The following ADGRB3 variants were observed in gnomAD, a reference collection of about 807,000 sequenced individuals.
The protein encoded by ADGRB3 is adhesion G protein-coupled receptor B3, also known as brain-specific angiogenesis inhibitor 3.
ADGRB3 carries 37 observed loss-of-function variants against 193.4 expected under a neutral mutation model. That is an observed-to-expected ratio of 0.19 (90% CI 0.15 to 0.25). The LOEUF is 0.25. Ranked by LOEUF, ADGRB3 falls within the 10% of genes least tolerant of loss-of-function variation. ADGRB3 has a pLI of 1.00. For synonymous variants in ADGRB3, 690 were observed against 644.2 expected (o/e 1.07, Z -1.08); for missense variants, 1,637 against 1,852.9 (o/e 0.88, Z 2.14).
chr6:68,809,209 G>T (rs1410308268), intron 3 of ADGRB3, among the ~76,000 whole-genome samples: 2 of 152,136 alleles, frequency 1.3e-5, no homozygotes, highest in African/African-American at 4.8e-5. Flanking sequence ...TACTCACTCT[G>T]TTCTGTTCAC....
At chr6:69,202,458 A>AGAGAGAGAGAGACG (rs1029071301) in intron 17 of ADGRB3, among the ~76,000 whole-genome samples, 6 of 151,712 alleles carry the variant, frequency 4.0e-5, no homozygotes, top group African/African-American at 1.5e-4. Flanking sequence ...TCCACTTGAA[A>AGAGAGAGAGAGACG]GAGAGAGAGA....
chr6:68,683,324 C>T (rs1047355323), intron 3 of ADGRB3, among the ~76,000 whole-genome samples: 3 of 151,750 alleles, frequency 2.0e-5, no homozygotes, highest in African/African-American at 7.3e-5. Context: ...AAACTAAGCA[C>T]CCAAACATCT....
chr6:69,084,200 C>G (rs1447023411), intron 17 of ADGRB3, among the ~76,000 whole-genome samples: 1 of 151,996 alleles, frequency 6.6e-6, no homozygotes, highest in Non-Finnish European at 1.5e-5. Context: ...GATTGTTATC[C>G]CAACTATCCA....
chr6:69,224,279 G>T (rs946403994), intron 17 of ADGRB3, among the ~76,000 whole-genome samples: 1 of 151,960 alleles, frequency 6.6e-6, no homozygotes, highest in Non-Finnish European at 1.5e-5. Context: ...ACAATGGTCC[G>T]GTCAAATCTC....
chr6:68,662,002 A>G (rs1444634518), intron 3 of ADGRB3, among the ~76,000 whole-genome samples: 2 of 151,538 alleles, frequency 1.3e-5, no homozygotes, highest in African/African-American at 4.8e-5. Flanking sequence ...TACCAGAGGG[A>G]AATAAAAGGC....
At chr6:69,254,549 AT>A (rs1474638882) in intron 20 of ADGRB3, among the ~76,000 whole-genome samples, 1 of 151,794 alleles carries the variant, frequency 6.6e-6, no homozygotes, top group Non-Finnish European at 1.5e-5. Context: ...TTTTTCTTTT[AT>A]TTTTTATACT....
intron 11 of ADGRB3, among the ~76,000 whole-genome samples, chr6:69,001,999 G>T (rs1171172990): frequency 6.6e-6 from 1 of 152,006 alleles, no homozygotes; most frequent in Non-Finnish European, 1.5e-5. Context: ...CTTGAAACAG[G>T]TCATTACTCA....
intron 3 of ADGRB3, among the ~76,000 whole-genome samples, chr6:68,891,491 G>A (rs1434062266): frequency 6.6e-6 from 1 of 152,116 alleles, no homozygotes; most frequent in Non-Finnish European, 1.5e-5. Flanking sequence ...AATTAACTAG[G>A]TAAATTTAAA....
intron 16 of ADGRB3, among the ~76,000 whole-genome samples, chr6:69,070,023 A>C (rs577637695): frequency 6.6e-6 from 1 of 152,270 alleles, no homozygotes; most frequent in East Asian, 1.9e-4. Flanking sequence ...CACTCAACAG[A>C]TCAAATGTCC....
intron 3 of ADGRB3, among the ~76,000 whole-genome samples, chr6:68,787,795 TG>T (rs530607576): frequency 2.3e-3 from 352 of 152,292 alleles, no homozygotes; most frequent in African/African-American, 8.1e-3. Context: ...GGACTTTTTT[TG>T]GTTGGTAAGC....
At chr6:68,882,260 G>T (rs750591167) in intron 3 of ADGRB3, among the ~76,000 whole-genome samples, 4 of 152,086 alleles carry the variant, frequency 2.6e-5, no homozygotes, top group African/African-American at 9.7e-5. Context: ...GAGTCCCAAG[G>T]TATTTCAAAA....
intron 3 of ADGRB3, among the ~76,000 whole-genome samples, chr6:68,644,042 A>T (rs1446101803): frequency 1.3e-5 from 2 of 152,030 alleles, no homozygotes; most frequent in Admixed American, 6.6e-5. Context: ...TGAGGCTTTC[A>T]ATTATCCAGC....
At chr6:69,146,612 G>A (rs999034699) in intron 17 of ADGRB3, among the ~76,000 whole-genome samples, 20 of 152,332 alleles carry the variant, frequency 1.3e-4, no homozygotes, top group African/African-American at 3.8e-4. Context: ...ACTTCCACCT[G>A]TTCCCAGCTA....
intron 28 of ADGRB3, among the ~76,000 whole-genome samples, chr6:69,360,505 C>CA (rs1769428235): frequency 6.6e-6 from 1 of 151,950 alleles, no homozygotes; most frequent in African/African-American, 2.4e-5. Context: ...CATAATTTTA[C>CA]AAAAATCCTT....
chr6:69,210,109 T>TACACACAC (rs151244765), intron 17 of ADGRB3, among the ~76,000 whole-genome samples: 204 of 134,460 alleles, frequency 1.5e-3, no homozygotes, highest in African/African-American at 5.2e-3. Flanking sequence ...TGTATATAGA[T>TACACACAC]ACACACACAC....
intron 3 of ADGRB3, among the ~76,000 whole-genome samples, chr6:68,920,553 C>T (rs1562086425): frequency 6.8e-6 from 1 of 146,694 alleles, no homozygotes; most frequent in Non-Finnish European, 1.5e-5. Context: ...AAAAATCTTC[C>T]AGGTATAGAA....
chr6:69,295,822 C>A (rs982620246), intron 20 of ADGRB3, among the ~76,000 whole-genome samples: 1 of 152,134 alleles, frequency 6.6e-6, no homozygotes, highest in Non-Finnish European at 1.5e-5. Flanking sequence ...TACAATCAAC[C>A]TCACTGCCAT....
intron 20 of ADGRB3, among the ~76,000 whole-genome samples, chr6:69,310,311 C>T (rs1768163877): frequency 6.6e-6 from 1 of 151,592 alleles, no homozygotes; most frequent in Admixed American, 6.6e-5. Context: ...TTGGCTCAAC[C>T]CAGAAAGACA....
chr6:69,218,132 C>CA (rs1458038776), intron 17 of ADGRB3, among the ~76,000 whole-genome samples: 14 of 142,226 alleles, frequency 9.8e-5, no homozygotes, highest in Non-Finnish European at 1.7e-4. Context: ...CAAAAAAAGA[C>CA]AAAAAAAGAA....
Sources: gnomAD v4.1 joint callset for allele counts (sites outside exome capture counted in the v4.1 genomes callset) on GRCh38, gnomAD v4.1.1 for gene constraint, MANE v1.5 for transcripts, NCBI Gene and HGNC (gene_info 2026-07-23, HGNC 2026-07-21) for gene names.